NLK: variants seen among roughly 807,000 people sequenced by gnomAD.
NLK encodes the protein serine/threonine-protein kinase NLK.
A neutral mutation model predicts 59.0 loss-of-function variants in NLK; 11 were observed. That is an observed-to-expected ratio of 0.19 (90% CI 0.12 to 0.31). The LOEUF (loss-of-function observed/expected upper bound fraction) is 0.31. Among genes scored for constraint, NLK ranks in the 10% least tolerant of loss-of-function variants. The pLI, the probability that NLK is intolerant of heterozygous loss-of-function variation, is 1.00. For synonymous variants in NLK, 235 were observed against 235.9 expected, an observed-to-expected ratio of 1.00 and a Z score of 0.03; for missense variants, 410 against 661.1, an observed-to-expected ratio of 0.62 and a Z score of 4.16.
At chr17:28,171,193 A>G (rs1908449777) in intron 6 of NLK, 1 of 152,134 alleles carries the variant, frequency 6.6e-6, no homozygotes, top group African/African-American at 2.4e-5. Flanking sequence ...TTGTATAGAG[A>G]TCTTTATTTC....
intron 5 of NLK, among the ~76,000 whole-genome samples, chr17:28,166,083 C>T (rs747138335): frequency 2.6e-5 from 4 of 152,084 alleles, no homozygotes; most frequent in Non-Finnish European, 1.5e-5. Context: ...GGCGTGGTGG[C>T]GCATGCCACT....
In NLK at chr17:28,132,638, A is replaced by G; in HGVS notation, c.607A>G (p.Ile203Val). Reference protein sequence around the residue: ...KHDNVLSALDILQPPHIDYFE... With the variant: ...KHDNVLSALDVLQPPHIDYFE... ...TTCTCAGGTACTCTCTGCCCTTGAC[A>G]TACTCCAACCTCCACACATTGACTA... Residue 203 changes from isoleucine to valine, a missense_variant, in exon 3 of 11, where the codon ATA becomes GTA. Physicochemically the swap from Ile to Val is conservative, Grantham distance 29. This residue lies in a region of NLK where 73 missense variants were observed against 197.2 expected (regional missense o/e 0.37). Transcript: ENST00000407008. The G allele has an allele frequency of 6.2e-7, 1 of 1,610,806 alleles. No homozygotes were observed. The highest frequency in any genetic ancestry group is 8.5e-7 in the Non-Finnish European group (1 of 1,178,346).
chr17:28,145,891 G>A (rs1196121596), intron 3 of NLK, among the ~76,000 whole-genome samples: 1 of 152,032 alleles, frequency 6.6e-6, no homozygotes, highest in South Asian at 2.1e-4. Context: ...TTTTTTAGTA[G>A]AGACAGTGTT....
intron 3 of NLK, among the ~76,000 whole-genome samples, chr17:28,141,131 A>C (rs1421296388): frequency 6.6e-6 from 1 of 152,224 alleles, no homozygotes; most frequent in Non-Finnish European, 1.5e-5. Flanking sequence ...CAAATGTATT[A>C]GGCACTATGT....
At chr17:28,076,310 G>A (rs1246855028) in intron 1 of NLK, among the ~76,000 whole-genome samples, 1 of 152,156 alleles carries the variant, frequency 6.6e-6, no homozygotes, top group Non-Finnish European at 1.5e-5. Flanking sequence ...TGCAGATTTG[G>A]TGGCTGGTGA....
At chr17:28,122,797 C>T in intron 2 of NLK, 65 bp downstream of exon 2, 1 of 1,574,852 alleles carries the variant, frequency 6.3e-7, no homozygotes, top group Non-Finnish European at 8.7e-7. Flanking sequence ...TAGTAAAGAG[C>T]AGATGAAAGT....
chr17:28,139,731 C>T (rs530054487), intron 3 of NLK, among the ~76,000 whole-genome samples: 4 of 152,178 alleles, frequency 2.6e-5, no homozygotes, highest in Admixed American at 1.3e-4. Context: ...AGGTAAATAA[C>T]TTGTCCAACG....
chr17:28,111,735 A>G (rs1255706439), intron 1 of NLK, among the ~76,000 whole-genome samples: 2 of 151,478 alleles, frequency 1.3e-5, no homozygotes, highest in African/African-American at 4.9e-5. Context: ...TCTCTGCTCA[A>G]TTTTGTTTTG....
At chr17:28,072,878 GA>G (rs1192401123) in intron 1 of NLK, among the ~76,000 whole-genome samples, 4 of 151,962 alleles carry the variant, frequency 2.6e-5, no homozygotes, top group Non-Finnish European at 5.9e-5. Context: ...GTTTGCATCT[GA>G]TAATACTCTT....
chr17:28,092,995 A>G (rs1452749741), intron 1 of NLK, among the ~76,000 whole-genome samples: 1 of 151,954 alleles, frequency 6.6e-6, no homozygotes, highest in East Asian at 1.9e-4. Flanking sequence ...GGGTTTCACC[A>G]CATTAACCAG....
chr17:28,188,626 C>T (rs534504451), intron 8 of NLK, among the ~76,000 whole-genome samples: 3 of 152,160 alleles, frequency 2.0e-5, no homozygotes, highest in South Asian at 2.1e-4. Flanking sequence ...TACAGATGTG[C>T]GCCACCACAC....
chr17:28,126,031 A>G (rs1466272853), intron 2 of NLK, among the ~76,000 whole-genome samples: 1 of 152,218 alleles, frequency 6.6e-6, no homozygotes, highest in Non-Finnish European at 1.5e-5. Context: ...GCCCATATTC[A>G]TTAATTCAGT....
At chr17:28,049,935 G>A (rs781652751) in intron 1 of NLK, among the ~76,000 whole-genome samples, 4 of 152,252 alleles carry the variant, frequency 2.6e-5, no homozygotes, top group Non-Finnish European at 5.9e-5. Flanking sequence ...AGCCAAGATC[G>A]TGCCGTTTCA....
intron 1 of NLK, among the ~76,000 whole-genome samples, chr17:28,049,092 G>GT (rs1280480894): frequency 5.3e-5 from 8 of 152,218 alleles, no homozygotes; most frequent in Non-Finnish European, 8.8e-5. Flanking sequence ...GGCAACAGTT[G>GT]TAACACTGTC....
intron 8 of NLK, among the ~76,000 whole-genome samples, chr17:28,186,448 T>C (rs1470841546): frequency 6.6e-6 from 1 of 152,226 alleles, no homozygotes; most frequent in East Asian, 1.9e-4. Flanking sequence ...TGTTGTTTTC[T>C]TTTTTGTTTT....
At chr17:28,186,362 G>T (rs1909116552) in intron 8 of NLK, among the ~76,000 whole-genome samples, 1 of 152,116 alleles carries the variant, frequency 6.6e-6, no homozygotes, top group Non-Finnish European at 1.5e-5. Context: ...GAACCAATTA[G>T]GGTGACCCAA....
intron 1 of NLK, chr17:28,048,502 C>G (rs1407205002): frequency 6.6e-6 from 1 of 151,990 alleles, no homozygotes; most frequent in East Asian, 1.9e-4. Context: ...GGGCATGTGT[C>G]ATAAAAGAGA....
rs1199252720 is a variant in NLK, at chr17:28,148,127, T to C, written c.645-13033T>C. 6.6e-5 allele frequency among the ~76,000 whole-genome samples: 10 copies of C among 152,294 alleles called. No individual in the cohort carries two copies. In the East Asian group the frequency reaches 1.5e-3, roughly 24 times the overall value. On this transcript the variant is annotated intron_variant, in intron 3 of 10. Transcript: ENST00000407008. ...CTGTATCTAATGATTCCCAAACTTA[T>C]ATTTTTAACTTTGATCTCCCATCAA...
chr17:28,163,797 G>A (rs1049571867), intron 5 of NLK, among the ~76,000 whole-genome samples, 169 bp downstream of exon 5: 5 of 152,132 alleles, frequency 3.3e-5, no homozygotes, highest in African/African-American at 1.2e-4. Context: ...TTGTAGTCCT[G>A]CCTCATGTTC....
Sources: gnomAD v4.1 joint callset for allele counts (sites outside exome capture counted in the v4.1 genomes callset) on GRCh38, gnomAD v4.1.1 for gene constraint, gnomAD v4.1.1 regional missense constraint, MANE v1.5 for transcripts, NCBI Gene and HGNC (gene_info 2026-07-23, HGNC 2026-07-21) for gene names.